The following CIC variants were observed in gnomAD, a reference collection of about 807,000 sequenced individuals.
CIC encodes capicua transcriptional repressor.
CIC carries 18 observed loss-of-function variants against 115.7 expected under a neutral mutation model. That is an observed-to-expected ratio of 0.16 (90% CI 0.11 to 0.23). CIC has a LOEUF of 0.23. CIC is among the 10% of genes least tolerant of loss of function. The pLI is 1.00. For synonymous variants in CIC, 1,076 were observed against 923.0 expected, an observed-to-expected ratio of 1.17 and a Z score of -3.01; for missense variants, 2,000 against 2,159.3, an observed-to-expected ratio of 0.93 and a Z score of 1.46.
chr19:42,291,989 C>T (rs1413196414), intron 12 of CIC, 97 bp from the exon 13 acceptor site: 1 of 1,568,402 alleles, frequency 6.4e-7, no homozygotes, highest in African/African-American at 1.4e-5. Flanking sequence ...TTCTGTGTTC[C>T]TTGCTTTTGC....
At chr19:42,294,454 G>T (rs1779466439) in intron 19 of CIC, 150 bp downstream of exon 19, 1 of 1,533,770 alleles carries the variant, frequency 6.5e-7, no homozygotes, top group Non-Finnish European at 8.9e-7. Context: ...AGTCTGGCAG[G>T]CCCCTAGGTT....
rs756766878 is a variant in CIC, at chr19:42,291,586, G to A, written c.5454G>A (p.Pro1818=). The A allele has an allele frequency of 2.3e-5, 37 of 1,612,816 alleles. No homozygotes were observed. Among genetic ancestry groups the A allele is most frequent in the South Asian group, 8.8e-5 (8 of 91,086 alleles). Residue 1818 remains proline (P), a synonymous_variant, in exon 12 of 21, where the codon CCG becomes CCA. Transcript: ENST00000681038. ...KAQSVSPVQA[P]PPGGSAQLLP... ...AGTCAGTTTCTCCCGTGCAGGCCCCGCCCCCGGGTGGCTCAGCCCAGCTGC... is the reference window on the plus strand; with the variant it reads ...AGTCAGTTTCTCCCGTGCAGGCCCCACCCCCGGGTGGCTCAGCCCAGCTGC...
chr19:42,278,415 C>T (rs2037076516), intron 2 of CIC, among the ~76,000 whole-genome samples: 1 of 152,236 alleles, frequency 6.6e-6, no homozygotes, highest in Non-Finnish European at 1.5e-5. Flanking sequence ...CTATATCTCT[C>T]TGGTCTCCTA....
At chr19:42,290,012 G>A (rs969339542) in intron 10 of CIC, 61 bp downstream of exon 10, 1 of 1,476,858 alleles carries the variant, frequency 6.8e-7, no homozygotes. Context: ...GGGAATGTCT[G>A]TTTCTCCCGG....
At chr19:42,274,926 G>T (rs2036914008) in intron 2 of CIC, among the ~76,000 whole-genome samples, 1 of 152,176 alleles carries the variant, frequency 6.6e-6, no homozygotes, top group East Asian at 1.9e-4. Flanking sequence ...CTGGGCGAGG[G>T]CATTGCCATG....
At chr19:42,269,676 A>T (rs2036694716) in intron 1 of CIC, among the ~76,000 whole-genome samples, 1 of 147,328 alleles carries the variant, frequency 6.8e-6, no homozygotes, top group African/African-American at 2.5e-5. Context: ...GGTGATGGGG[A>T]GAGAAGGTGA....
chr19:42,290,020 C>T (rs559618271), intron 10 of CIC, 69 bp downstream of exon 10: 15 of 1,468,168 alleles, frequency 1.0e-5, no homozygotes, highest in Admixed American at 3.7e-5. Flanking sequence ...CTGTTTCTCC[C>T]GGGCTTGAGA....
chr19:42,289,134 TC>T (rs2037881825), intron 8 of CIC, 44 bp downstream of exon 8: 1 of 1,612,784 alleles, frequency 6.2e-7, no homozygotes, highest in Non-Finnish European at 8.5e-7. Context: ...AGGGAACCTG[TC>T]CAGGGCAGCA....
In CIC at chr19:42,292,771, C is replaced by T. The variant is rs375508289; in HGVS notation, c.6108C>T (p.Thr2036=). 4.3e-6 allele frequency: 7 copies of T among 1,613,648 alleles called. No individual in the cohort carries two copies. The African/African-American group carries it at 6.7e-5, about 15-fold the overall frequency. The change falls in exon 15 of 21, where the codon ACC becomes ACT. Residue 2036 remains threonine (T), a synonymous_variant. Transcript: ENST00000681038. ...TCTACACTGTGGCCACCAGCACAAC[C>T]CCACCTGCAGCCACCATTCTGCCCA... is the stretch of plus-strand genomic sequence containing the variant. The part of the protein sequence containing the change: ...SLVYTVATST[T]PPAATILPKG...
rs2038398730 is a variant in CIC at position 42,294,812 on chromosome 19, T to C, written c.7187-12T>C. On this transcript the variant is annotated splice_polypyrimidine_tract_variant and intron_variant, in intron 20 of 20. Coordinates refer to ENST00000681038, the MANE Select transcript of CIC (RefSeq NM_001386298.1). ...TCTCATCCTGTGCTCCCCACCGTTT[T>C]TCTATCTCCAGCCCAGGCCACAGCC... The C allele has an allele frequency of 1.9e-6, 3 of 1,604,776 alleles. No individual in the cohort carries two copies. Among genetic ancestry groups the C allele is most frequent in the Non-Finnish European group, 2.5e-6 (3 of 1,179,960 alleles).
chr19:42,295,611 T>C lies in CIC; in HGVS notation c.*420T>C, dbSNP rs1187856029. 1 of 239,728 alleles carries C rather than the reference T, an allele frequency of 4.2e-6. No homozygotes were observed. The highest frequency in any genetic ancestry group is 8.2e-6 in the Non-Finnish European group (1 of 122,364). 14.9% of individuals were successfully genotyped at this position (239,728 alleles called of 1,614,324 possible). On this transcript the variant is annotated 3_prime_UTR_variant, in exon 21 of 21. Coordinates refer to ENST00000681038, the MANE Select transcript of CIC (RefSeq NM_001386298.1). ...AGTTTGGGGGTGGGGGCTCCTGCAC[T>C]TTGCCACAGGCACGGGGAGGGTTTT...
At position 42,289,912 on chromosome 19, in the gene CIC, G is replaced by A. The variant is rs752136581; in HGVS notation, c.4152G>A (p.Glu1384=). The part of the protein sequence containing the change: ...LKCKERVTDS[E]SGDSSGEDPE... ...GCAAGGAGCGGGTGACCGACAGCGAGAGTGGGGACAGCTCTGGGGAGGACC... is the reference window on the plus strand; with the variant it reads ...GCAAGGAGCGGGTGACCGACAGCGAAAGTGGGGACAGCTCTGGGGAGGACC... Residue 1384 remains glutamate, a synonymous_variant, in exon 10 of 21, where the codon GAG becomes GAA. Coordinates refer to ENST00000681038, the MANE Select transcript of CIC (RefSeq NM_001386298.1). 4 of 1,610,192 alleles carry A rather than the reference G, an allele frequency of 2.5e-6. No homozygotes were observed. The highest frequency in any genetic ancestry group is 3.4e-6 in the Non-Finnish European group (4 of 1,178,522).
At chr19:42,277,012 G>A (rs1015598322) in intron 2 of CIC, among the ~76,000 whole-genome samples, 2 of 152,192 alleles carry the variant, frequency 1.3e-5, no homozygotes, top group African/African-American at 4.8e-5. Context: ...CCTCTAGACT[G>A]TGGGACTCTC....
chr19:42,294,400 A>C (rs1172122841), intron 19 of CIC, 96 bp downstream of exon 19: 1 of 1,586,604 alleles, frequency 6.3e-7, no homozygotes, highest in African/African-American at 1.3e-5. Flanking sequence ...GGGTGGGTCC[A>C]TCCAGGCTGG....
chr19:42,284,443 CGGGGGGCGGGGCGGGGCCGGTGCGCGCT>C (rs2037456743), intron 2 of CIC: 2 of 139,670 alleles, frequency 1.4e-5, no homozygotes, highest in East Asian at 2.2e-4. Flanking sequence ...CCGCGCGCGC[CGGGGGGCGGGGCGGGGCCGGTGCGCGCT>C]GACCTCCCCC....
intron 13 of CIC, 37 bp from the exon 14 acceptor site, chr19:42,292,263 C>T: frequency 6.2e-7 from 1 of 1,613,660 alleles, no homozygotes; most frequent in South Asian, 1.1e-5. Context: ...GCGGGGCCGG[C>T]TTACCTCACT....
intron 19 of CIC, 147 bp downstream of exon 19, chr19:42,294,451 C>A: frequency 6.5e-7 from 1 of 1,539,880 alleles, no homozygotes; most frequent in Non-Finnish European, 8.8e-7. Context: ...TGGAGTCTGG[C>A]AGGCCCCTAG....
At chr19:42,291,988 C>T (rs769960220) in intron 12 of CIC, 98 bp from the exon 13 acceptor site, 65 of 1,560,748 alleles carry the variant, frequency 4.2e-5, no homozygotes, top group Middle Eastern at 4.4e-4. Context: ...GTTCTGTGTT[C>T]CTTGCTTTTG....
chr19:42,280,876 C>T lies in CIC; in HGVS notation c.2795-5895C>T, dbSNP rs2037206475. Among the ~76,000 whole-genome samples, 1 of 151,168 alleles carries T rather than the reference C, an allele frequency of 6.6e-6. No homozygotes were observed. Among genetic ancestry groups the T allele is most frequent in the Non-Finnish European group, 1.5e-5 (1 of 67,676 alleles). The stretch of plus-strand genomic sequence containing the variant: ...CAAGCGCCTGTACACCCCTTTCCCG[C>T]CCCCGCACCTTCCCTTCCCCAAACC... On this transcript the variant is annotated intron_variant, in intron 2 of 20. Transcript: ENST00000681038. This position sits in a 1 kb window ranked among gnomAD's most constrained non-coding sequence, Gnocchi z 4.9.
Sources: gnomAD v4.1 joint callset for allele counts (sites outside exome capture counted in the v4.1 genomes callset) on GRCh38, gnomAD v4.1.1 for gene constraint, Gnocchi (gnomAD v3.1) non-coding constraint, MANE v1.5 for transcripts, NCBI Gene and HGNC (gene_info 2026-07-23, HGNC 2026-07-21) for gene names.